Variants in ADD3 observed in about 807,000 individuals in gnomAD.
ADD3 encodes gamma-adducin.
ADD3 carries 25 observed loss-of-function variants against 80.2 expected under a neutral mutation model. The observed-to-expected ratio is 0.31, with a 90% confidence interval of 0.23 to 0.44. The LOEUF (loss-of-function observed/expected upper bound fraction) is 0.44. Ranked by LOEUF, ADD3 falls within the 20% of genes least tolerant of loss-of-function variation. ADD3 has a pLI of 1.00. For synonymous variants in ADD3, 284 were observed against 289.6 expected, an observed-to-expected ratio of 0.98 and a Z score of 0.20; for missense variants, 829 against 847.5, an observed-to-expected ratio of 0.98 and a Z score of 0.27.
At chr10:110,132,946 A>AG (rs1853244374) in intron 14 of ADD3, among the ~76,000 whole-genome samples, 1 of 147,558 alleles carries the variant, frequency 6.8e-6, no homozygotes, top group Non-Finnish European at 1.5e-5. Flanking sequence ...AAAAAAAAAA[A>AG]GAATTTGTGG....
rs559836081 is a variant in ADD3 at position 110,116,336 on chromosome 10, C to T, written c.412C>T (p.Arg138Cys). The stretch of plus-strand genomic sequence containing the variant: ...ATATGTGAAGGGAGAAAAACTTACT[C>T]GCTGTAAACTTGCCAGCCTGTACAG... ...SSYVKGEKLTRCKLASLYRLV... is the reference protein window; with the variant it reads ...SSYVKGEKLTCCKLASLYRLV... The change falls in exon 4 of 15, where the codon CGC becomes TGC. Residue 138 changes from arginine to cysteine, a missense_variant. Arg to Cys is a radical substitution (Grantham distance 180, BLOSUM62 -3). Transcript: ENST00000356080. 5 of 1,613,986 alleles carry T rather than the reference C, an allele frequency of 3.1e-6. No individual in the cohort carries two copies. Among genetic ancestry groups the T allele is most frequent in the Admixed American group, 1.7e-5 (1 of 59,996 alleles).
At chr10:110,072,443 T>G (rs1487654670) in intron 1 of ADD3, among the ~76,000 whole-genome samples, 1 of 152,192 alleles carries the variant, frequency 6.6e-6, no homozygotes, top group Non-Finnish European at 1.5e-5. Context: ...AGTTGCACAC[T>G]GTACGTGTGA....
chr10:110,034,169 AT>A (rs1466271634), intron 1 of ADD3, among the ~76,000 whole-genome samples: 1 of 151,996 alleles, frequency 6.6e-6, no homozygotes, highest in Non-Finnish European at 1.5e-5. Flanking sequence ...TCTAGAGTTT[AT>A]TTTTTTGATT....
At position 110,126,868 on chromosome 10, in the gene ADD3, A is replaced by G. The variant is rs78385261; in HGVS notation, c.1608+365A>G. ...TCCTCCTTTGATGTTTCTAAAGAGC[A>G]TCTTCTGCTTTTTCTTGGTCTATCA... On this transcript the variant is annotated intron_variant, in intron 12 of 14. Coordinates refer to ENST00000356080, the MANE Select transcript of ADD3 (RefSeq NM_016824.5). Among the ~76,000 whole-genome samples the G allele has an allele frequency of 4.2e-3, 633 of 152,304 alleles. 32 individuals carry two copies. In the East Asian group the frequency reaches 0.11, roughly 25 times the overall value.
At chr10:110,083,473 G>A (rs1436227339) in intron 1 of ADD3, among the ~76,000 whole-genome samples, 4 of 151,674 alleles carry the variant, frequency 2.6e-5, no homozygotes, top group East Asian at 1.9e-4. Flanking sequence ...CCGAGATCGC[G>A]CCACTGCACT....
At chr10:110,000,897 A>C (rs1851471916), upstream of ADD3, among the ~76,000 whole-genome samples, 1 of 152,248 alleles carries the variant, frequency 6.6e-6, no homozygotes, top group Non-Finnish European at 1.5e-5. Context: ...GTATGTTTTA[A>C]GAGCTCAAAA....
intron 1 of ADD3, among the ~76,000 whole-genome samples, chr10:110,093,772 A>G (rs961066021): frequency 1.3e-5 from 2 of 151,982 alleles, no homozygotes; most frequent in African/African-American, 4.8e-5. Flanking sequence ...CATCTTATTT[A>G]TATGTTTTGC....
chr10:110,086,028 C>A (rs1168916513), intron 1 of ADD3, among the ~76,000 whole-genome samples: 1 of 152,134 alleles, frequency 6.6e-6, no homozygotes, highest in African/African-American at 2.4e-5. Flanking sequence ...TCGCTTGAAC[C>A]TGGGAGGCGG....
rs1367136630 is a variant in ADD3 at position 110,008,309 on chromosome 10, C to A, written c.-30+10C>A. On this transcript the variant is annotated intron_variant, in intron 1 of 14. Transcript: ENST00000356080. ...GGCTACGCGCTGCGAGGTAATCTTG[C>A]GGGGAGAGGACGCGCCGTCGTCCCG... 1.3e-5 allele frequency: 2 copies of A among 152,250 alleles called. No individual in the cohort carries two copies. The highest frequency in any genetic ancestry group is 2.9e-5 in the Non-Finnish European group (2 of 68,092). The allele number at this position is 152,250 out of a possible 1,614,324, so 9.4% of individuals were successfully genotyped here. A position where few individuals can be genotyped will look rare whatever the true frequency, so the allele number is the denominator to read the frequency against.
intron 1 of ADD3, among the ~76,000 whole-genome samples, chr10:110,039,391 AAGG>A (rs1856028332): frequency 6.6e-6 from 1 of 152,168 alleles, no homozygotes; most frequent in African/African-American, 2.4e-5. Context: ...ACTAATGAGG[AAGG>A]AGGAGTGTGG....
intron 1 of ADD3, among the ~76,000 whole-genome samples, chr10:110,040,777 G>T (rs951148943): frequency 6.6e-6 from 1 of 152,094 alleles, no homozygotes; most frequent in African/African-American, 2.4e-5. Flanking sequence ...CAGTGGACTC[G>T]GATAGAGAGG....
chr10:110,053,747 G>A (rs1857797711), intron 1 of ADD3, among the ~76,000 whole-genome samples: 1 of 152,148 alleles, frequency 6.6e-6, no homozygotes, highest in East Asian at 1.9e-4. Flanking sequence ...AATTCCCCTA[G>A]AACAGAAAAC....
At position 110,079,427 on chromosome 10, in the gene ADD3, TGAG is replaced by T. The variant is rs1282092403; in HGVS notation, c.-29-21197_-29-21195del. The T allele has an allele frequency of 1.5e-3, 185 of 122,602 alleles. 1 individual carries two copies. Among genetic ancestry groups the T allele is most frequent in the African/African-American group, 5.2e-3 (165 of 31,646 alleles). The allele number at this position is 122,602 out of a possible 1,614,324, so 7.6% of individuals were successfully genotyped here. ...GGGAATTTATTTTTCAAAAAAATGA[TGAG>T]AGAGAGAGAGAGAGAGAGAGAGAGA... On this transcript the variant is annotated intron_variant, in intron 1 of 14. Transcript: ENST00000356080.
intron 1 of ADD3, among the ~76,000 whole-genome samples, chr10:110,067,971 A>G (rs558065334): frequency 6.6e-6 from 1 of 152,130 alleles, no homozygotes; most frequent in Non-Finnish European, 1.5e-5. Context: ...AACTTTCTCT[A>G]TACTGGAAAA....
chr10:110,097,984 C>T (rs1308446907), intron 1 of ADD3, among the ~76,000 whole-genome samples: 1 of 152,052 alleles, frequency 6.6e-6, no homozygotes, highest in Admixed American at 6.6e-5. Context: ...ACCGTGTTGG[C>T]CAGGATGGTC....
intron 3 of ADD3, among the ~76,000 whole-genome samples, chr10:110,113,323 A>C (rs1416362816): frequency 6.6e-6 from 1 of 152,200 alleles, no homozygotes; most frequent in East Asian, 1.9e-4. Flanking sequence ...GCTGGAGTAC[A>C]GTGGCCCGAT....
chr10:110,038,701 A>G (rs193081619), intron 1 of ADD3, among the ~76,000 whole-genome samples: 31 of 152,340 alleles, frequency 2.0e-4, no homozygotes, highest in Non-Finnish European at 4.0e-4. Flanking sequence ...TAATTCTCCA[A>G]AGAATTTACC....
At chr10:110,112,090 A>G (rs1850102467) in intron 2 of ADD3, 1 of 152,026 alleles carries the variant, frequency 6.6e-6, no homozygotes, top group Admixed American at 6.5e-5. Context: ...ATCACTCTGT[A>G]TTCAAAGTTG....
intron 1 of ADD3, among the ~76,000 whole-genome samples, chr10:110,014,719 G>T (rs961019184): frequency 6.6e-6 from 1 of 152,014 alleles, no homozygotes; most frequent in African/African-American, 2.4e-5. Flanking sequence ...TAGAGATGGG[G>T]TTTCTCCATG....
Sources: allele counts gnomAD v4.1 joint callset (sites outside exome capture counted in the v4.1 genomes callset), GRCh38; gene constraint gnomAD v4.1.1; transcripts MANE v1.5; gene names NCBI Gene and HGNC (gene_info 2026-07-23, HGNC 2026-07-21).